The following XPO5 variants were observed in gnomAD, a reference collection of about 807,000 sequenced individuals.
XPO5 encodes the protein exportin-5.
A neutral mutation model predicts 160.6 loss-of-function variants in XPO5; 46 were observed. The ratio of observed to expected loss-of-function variants is 0.29; its 90% CI spans 0.23 to 0.37. The LOEUF (loss-of-function observed/expected upper bound fraction) is 0.37. Ranked by LOEUF, XPO5 falls within the 10% of genes least tolerant of loss-of-function variation. The pLI, the probability that XPO5 is intolerant of heterozygous loss-of-function variation, is 1.00. For synonymous variants in XPO5, 537 were observed against 519.3 expected (o/e 1.03, Z -0.46); for missense variants, 1,090 against 1,463.9 (o/e 0.74, Z 4.17).
At chr6:43,555,758 A>G (rs1289259047) in intron 13 of XPO5, 78 bp downstream of exon 13, 8 of 1,571,364 alleles carry the variant, frequency 5.1e-6, no homozygotes, top group Non-Finnish European at 6.9e-6. Context: ...ATGTGTGTAT[A>G]GCTCAGGCTC....
intron 24 of XPO5, 27 bp from the exon 25 acceptor site, chr6:43,528,232 C>G (rs1793722063): frequency 6.4e-7 from 1 of 1,574,168 alleles, no homozygotes; most frequent in African/African-American, 1.3e-5. Context: ...GAAATAAATG[C>G]TAGAATTGGG....
chr6:43,571,752 G>A lies in XPO5; in HGVS notation c.300+754C>T, dbSNP rs892592166. On this transcript the variant is annotated intron_variant, in intron 3 of 31. Transcript: ENST00000265351. The stretch of plus-strand genomic sequence containing the variant: ...GAGCCCAGGAGTTCGAGGCTGCAGT[G>A]AGCTATGATCATGCTAATGCAATCC... Among the ~76,000 whole-genome samples, 44 of 151,486 alleles carry A rather than the reference G, an allele frequency of 2.9e-4. 1 individual carries two copies. The highest frequency in any genetic ancestry group is 7.4e-5 in the Non-Finnish European group (5 of 67,998).
chr6:43,575,015 T>C (rs888027920), intron 1 of XPO5, among the ~76,000 whole-genome samples: 5 of 152,186 alleles, frequency 3.3e-5, no homozygotes, highest in Non-Finnish European at 5.9e-5. Flanking sequence ...CGTTGTTTTA[T>C]GGGCAAGTAA....
intron 19 of XPO5, among the ~76,000 whole-genome samples, chr6:43,547,050 C>T (rs889281434): frequency 2.0e-5 from 3 of 152,108 alleles, no homozygotes; most frequent in Non-Finnish European, 2.9e-5. Context: ...GGCTTAGATA[C>T]GATCCAAAAC....
intron 20 of XPO5, among the ~76,000 whole-genome samples, chr6:43,541,311 C>T (rs1023218602): frequency 7.9e-5 from 12 of 152,054 alleles, no homozygotes; most frequent in African/African-American, 2.4e-4. Context: ...GGGATGGATA[C>T]CCCATTTTAA....
intron 1 of XPO5, among the ~76,000 whole-genome samples, chr6:43,575,497 A>C (rs1763264985): frequency 6.6e-6 from 1 of 151,948 alleles, no homozygotes; most frequent in Admixed American, 6.6e-5. Flanking sequence ...GGAAAGGGGG[A>C]GGAGAGGGCT....
At chr6:43,543,413 A>G (rs1794799528) in intron 20 of XPO5, among the ~76,000 whole-genome samples, 1 of 152,284 alleles carries the variant, frequency 6.6e-6, no homozygotes, top group South Asian at 2.1e-4. Flanking sequence ...TGATCGCAAC[A>G]CTGCACCCCA....
At chr6:43,564,814 A>AG (rs764623974) in intron 8 of XPO5, among the ~76,000 whole-genome samples, 9 of 151,956 alleles carry the variant, frequency 5.9e-5, no homozygotes, top group African/African-American at 2.4e-5. Context: ...CATGTTGCTC[A>AG]GGTTGGTCTC....
intron 3 of XPO5, 71 bp downstream of exon 3, chr6:43,572,435 C>T (rs1763058619): frequency 4.8e-6 from 7 of 1,457,554 alleles, no homozygotes; most frequent in Non-Finnish European, 6.7e-6. Context: ...TTTACACAAA[C>T]TCCCTATTGA....
At chr6:43,562,791 C>T (rs1174221695) in intron 8 of XPO5, among the ~76,000 whole-genome samples, 1 of 152,076 alleles carries the variant, frequency 6.6e-6, no homozygotes, top group East Asian at 1.9e-4. Flanking sequence ...CAAACAGAAA[C>T]GGGACACCAC....
intron 16 of XPO5, 44 bp from the exon 17 acceptor site, chr6:43,549,622 A>G (rs928848259): frequency 1.3e-6 from 2 of 1,594,216 alleles, no homozygotes; most frequent in East Asian, 2.2e-5. Flanking sequence ...TTTTAATATA[A>G]TATACAGGTG....
intron 16 of XPO5, 85 bp from the exon 17 acceptor site, chr6:43,549,663 G>C: frequency 6.8e-7 from 1 of 1,462,546 alleles, no homozygotes; most frequent in Non-Finnish European, 9.3e-7. Flanking sequence ...ATCTCAGTCA[G>C]GGGCAAATTC....
At chr6:43,564,657 T>C (rs1762600793) in intron 8 of XPO5, among the ~76,000 whole-genome samples, 1 of 152,092 alleles carries the variant, frequency 6.6e-6, no homozygotes. Context: ...GGCTGGAGTG[T>C]AGTGGCATGA....
In XPO5 at chr6:43,523,550, A is replaced by C; in HGVS notation, c.*318T>G. 1.9e-6 allele frequency: 1 copy of C among 517,698 alleles called. No homozygotes were observed. Among genetic ancestry groups the C allele is most frequent in the South Asian group, 1.7e-5 (1 of 59,668 alleles). 32.1% of individuals were successfully genotyped at this position (517,698 alleles called of 1,614,324 possible). On this transcript the variant is annotated 3_prime_UTR_variant, in exon 32 of 32. Transcript: ENST00000265351. ...CCATTCTGTACAGGTATGTGGCTGC[A>C]CGGGGGTGGGAGGGCTTGTGGGAGA...
chr6:43,561,071 G>A, intron 9 of XPO5, 64 bp from the exon 10 acceptor site: 2 of 1,332,436 alleles, frequency 1.5e-6, no homozygotes, highest in South Asian at 1.2e-5. Flanking sequence ...AAAAAGCAGG[G>A]AAGTAATAAA....
chr6:43,573,591 T>A lies in XPO5; in HGVS notation c.116A>T (p.Glu39Val). The part of the protein sequence containing the change: ...YRLEALKFCE[E>V]FKEKCPICVP... Reference sequence around the variant, plus strand: ...ACAGATAGGACACTTTTCTTTAAACTCCTCACAAAACTGAAAGAAGAAAAG... The same window carrying A: ...ACAGATAGGACACTTTTCTTTAAACACCTCACAAAACTGAAAGAAGAAAAG... The change falls in exon 2 of 32, where the codon GAG becomes GTG. Residue 39 changes from glutamate (E) to valine (V), a missense_variant. Transcript: ENST00000265351. 1.2e-6 allele frequency: 2 copies of A among 1,612,528 alleles called. No individual in the cohort carries two copies. The highest frequency in any genetic ancestry group is 1.7e-6 in the Non-Finnish European group (2 of 1,179,170).
chr6:43,560,852 T>G, intron 10 of XPO5, 72 bp downstream of exon 10: 1 of 1,219,180 alleles, frequency 8.2e-7, no homozygotes, highest in Non-Finnish European at 1.2e-6. Context: ...TCTACAATAA[T>G]ATTTCAGGAC....
At chr6:43,564,107 A>T (rs1047776525) in intron 8 of XPO5, among the ~76,000 whole-genome samples, 2 of 152,110 alleles carry the variant, frequency 1.3e-5, no homozygotes, top group Non-Finnish European at 2.9e-5. Context: ...CTTTTAGTAG[A>T]GATGGGGTTT....
At chr6:43,532,927 T>C (rs948366161) in intron 21 of XPO5, among the ~76,000 whole-genome samples, 3 of 152,106 alleles carry the variant, frequency 2.0e-5, no homozygotes, top group Non-Finnish European at 4.4e-5. Context: ...GGCAGAGCAC[T>C]TGAGGTCATG....
Sources: gnomAD v4.1 joint callset for allele counts (sites outside exome capture counted in the v4.1 genomes callset) on GRCh38, gnomAD v4.1.1 for gene constraint, MANE v1.5 for transcripts, NCBI Gene and HGNC (gene_info 2026-07-23, HGNC 2026-07-21) for gene names.